AGBL4: variants seen among roughly 807,000 people sequenced by gnomAD.
AGBL4 encodes cytosolic carboxypeptidase 6.
AGBL4 carries 58 observed loss-of-function variants against 66.4 expected under a neutral mutation model. The ratio of observed to expected loss-of-function variants is 0.87; its 90% CI spans 0.71 to 1.09. The LOEUF (loss-of-function observed/expected upper bound fraction) is 1.09, where lower values mean the gene tolerates loss of function less well. AGBL4 is among the 50% of genes least tolerant of loss of function. The pLI is 0.00. For missense variants in AGBL4, 579 were observed against 631.0 expected, an observed-to-expected ratio of 0.92 and a Z score of 0.88; for synonymous variants, 234 against 222.9, an observed-to-expected ratio of 1.05 and a Z score of -0.44.
At chr1:49,532,605 G>T (rs549769568) in intron 3 of AGBL4, among the ~76,000 whole-genome samples, 5 of 152,086 alleles carry the variant, frequency 3.3e-5, no homozygotes, top group Admixed American at 6.5e-5. Context: ...ATGTTACTGG[G>T]CCATTGACCA....
At chr1:48,621,606 C>T (rs1400198817) in intron 9 of AGBL4, among the ~76,000 whole-genome samples, 1 of 152,152 alleles carries the variant, frequency 6.6e-6, no homozygotes, top group Non-Finnish European at 1.5e-5. Context: ...ATGTTTTAAA[C>T]CTAGTTGTTA....
chr1:48,869,798 G>T (rs1389888954), intron 5 of AGBL4, among the ~76,000 whole-genome samples: 1 of 152,088 alleles, frequency 6.6e-6, no homozygotes, highest in Non-Finnish European at 1.5e-5. Flanking sequence ...GATTTTAAAA[G>T]GGACCACATT....
chr1:49,313,880 C>G (rs1644988085), intron 3 of AGBL4, among the ~76,000 whole-genome samples: 1 of 152,180 alleles, frequency 6.6e-6, no homozygotes, highest in Non-Finnish European at 1.5e-5. Flanking sequence ...AATTAGATCC[C>G]ATTTGTCAAT....
chr1:49,515,147 G>C (rs1489535035), intron 3 of AGBL4, among the ~76,000 whole-genome samples: 4 of 152,162 alleles, frequency 2.6e-5, no homozygotes, highest in South Asian at 2.1e-4. Context: ...ATCTGACAAA[G>C]GGCTAATATC....
intron 1 of AGBL4, among the ~76,000 whole-genome samples, chr1:49,875,288 C>T (rs1285804954): frequency 7.5e-6 from 1 of 133,734 alleles, no homozygotes; most frequent in African/African-American, 2.8e-5. Flanking sequence ...GTATATCTCC[C>T]AATGCTATCC....
intron 4 of AGBL4, among the ~76,000 whole-genome samples, chr1:49,127,732 CA>C (rs903542558): frequency 3.3e-5 from 5 of 151,872 alleles, no homozygotes; most frequent in African/African-American, 1.2e-4. Flanking sequence ...TTGAAAACTC[CA>C]AAAAAGCTAG....
intron 1 of AGBL4, among the ~76,000 whole-genome samples, chr1:49,936,048 G>A (rs1653971576): frequency 6.6e-6 from 1 of 152,174 alleles, no homozygotes; most frequent in Non-Finnish European, 1.5e-5. Context: ...CAAGCTACAG[G>A]AGGAAATTCA....
intron 6 of AGBL4, among the ~76,000 whole-genome samples, chr1:48,765,138 A>G (rs1644469023): frequency 6.6e-6 from 1 of 152,222 alleles, no homozygotes; most frequent in Non-Finnish European, 1.5e-5. Flanking sequence ...CCTTCTTTGT[A>G]GTCTATTATC....
chr1:49,752,272 G>A (rs957710145), intron 2 of AGBL4, among the ~76,000 whole-genome samples: 3 of 152,050 alleles, frequency 2.0e-5, no homozygotes, highest in Non-Finnish European at 1.5e-5. Context: ...CTGGTACATT[G>A]TCTCTTTGTT....
At chr1:48,664,356 A>G (rs1045069134) in intron 6 of AGBL4, among the ~76,000 whole-genome samples, 1 of 152,214 alleles carries the variant, frequency 6.6e-6, no homozygotes, top group Non-Finnish European at 1.5e-5. Context: ...AGGGTCACAC[A>G]GGGCTAAGAA....
Position 48,533,224 on chromosome 1 carries a change from C to G in AGBL4, c.*949G>C, listed in dbSNP as rs773527518. On this transcript the variant is annotated 3_prime_UTR_variant, in exon 14 of 14. Coordinates refer to ENST00000371839, the MANE Select transcript of AGBL4 (RefSeq NM_032785.4). ...TTTCCACAGACAGGAAGGGAGCAGA[C>G]CCCCCTGGACCCATTCATCATACAA... The G allele has an allele frequency of 6.6e-6, 1 of 152,068 alleles. No individual in the cohort carries two copies. Among genetic ancestry groups the G allele is most frequent in the Non-Finnish European group, 1.5e-5 (1 of 68,026 alleles). 9.4% of individuals were successfully genotyped at this position (152,068 alleles called of 1,614,324 possible).
chr1:49,847,563 CA>C (rs907317926), intron 2 of AGBL4, among the ~76,000 whole-genome samples: 1 of 151,784 alleles, frequency 6.6e-6, no homozygotes, highest in African/African-American at 2.4e-5. Flanking sequence ...AAAAATGTCA[CA>C]AAAAAGTAGA....
At chr1:49,518,671 G>T (rs909826383) in intron 3 of AGBL4, among the ~76,000 whole-genome samples, 1 of 151,966 alleles carries the variant, frequency 6.6e-6, no homozygotes, top group African/African-American at 2.4e-5. Context: ...CAAGATCAAA[G>T]GATATAATGA....
intron 3 of AGBL4, among the ~76,000 whole-genome samples, chr1:49,510,193 C>T (rs1407064220): frequency 6.6e-6 from 1 of 151,952 alleles, no homozygotes; most frequent in Non-Finnish European, 1.5e-5. Flanking sequence ...GTTTACAGTC[C>T]CACCAACAGT....
intron 3 of AGBL4, among the ~76,000 whole-genome samples, chr1:49,493,935 G>A (rs1647295751): frequency 6.6e-6 from 1 of 151,880 alleles, no homozygotes; most frequent in African/African-American, 2.4e-5. Flanking sequence ...TAAAAGGTGT[G>A]GGAGTAACAA....
chr1:49,520,585 A>T (rs1412588555), intron 3 of AGBL4, among the ~76,000 whole-genome samples: 1 of 151,924 alleles, frequency 6.6e-6, no homozygotes, highest in African/African-American at 2.4e-5. Flanking sequence ...GAATATCTTG[A>T]CTGCTCCCAT....
At chr1:48,628,593 G>A (rs1645542527) in intron 9 of AGBL4, among the ~76,000 whole-genome samples, 1 of 152,116 alleles carries the variant, frequency 6.6e-6, no homozygotes, top group Non-Finnish European at 1.5e-5. Context: ...GGCTTCCTCA[G>A]CCTGCACCTC....
intron 3 of AGBL4, among the ~76,000 whole-genome samples, chr1:49,376,732 G>T (rs181345272): frequency 1.3e-5 from 2 of 152,072 alleles, no homozygotes; most frequent in African/African-American, 4.8e-5. Context: ...ATTTTAGAGG[G>T]GATCTTCCCA....
chr1:49,059,364 G>T (rs1208070259), intron 4 of AGBL4, among the ~76,000 whole-genome samples: 1 of 152,236 alleles, frequency 6.6e-6, no homozygotes, highest in Non-Finnish European at 1.5e-5. Flanking sequence ...TGGGTACACA[G>T]AAGTCAAGAA....
Sources: allele counts gnomAD v4.1 joint callset (sites outside exome capture counted in the v4.1 genomes callset), GRCh38; gene constraint gnomAD v4.1.1; transcripts MANE v1.5; gene names NCBI Gene and HGNC (gene_info 2026-07-23, HGNC 2026-07-21).